EHBP1: variants seen among roughly 807,000 people sequenced by gnomAD.
EHBP1 encodes EH domain binding protein 1.
Under a neutral mutation model 144.0 loss-of-function variants are expected in EHBP1, and 55 were observed. The observed-to-expected ratio is 0.38, with a 90% CI of 0.31 to 0.48. The LOEUF is 0.48. Ranked by LOEUF, EHBP1 falls within the 20% of genes least tolerant of loss-of-function variation. The pLI, the probability that EHBP1 is intolerant of heterozygous loss-of-function variation, is 0.98. For synonymous variants in EHBP1, 469 were observed against 472.7 expected (o/e 0.99, Z 0.10); for missense variants, 1,200 against 1,364.2 (o/e 0.88, Z 1.90).
Position 62,949,111 on chromosome 2 carries a change from T to A in EHBP1, c.2265T>A (p.Asp755Glu). 6.3e-7 allele frequency: 1 copy of A among 1,588,910 alleles called. No homozygotes were observed. Among genetic ancestry groups the A allele is most frequent in the East Asian group, 2.2e-5 (1 of 44,788 alleles). Residue 755 changes from aspartate (D) to glutamate (E), a missense_variant, in exon 13 of 23, where the codon GAT (aspartate) becomes GAA (glutamate). Asp to Glu is a conservative substitution (Grantham distance 45). This residue lies in a region of EHBP1 where 543 missense variants were observed against 513.1 expected (regional missense o/e 1.06). Coordinates refer to ENST00000431489, the MANE Select transcript of EHBP1 (RefSeq NM_001142616.3). The stretch of plus-strand genomic sequence containing the variant: ...TGAGGCAGACGGAGTCTGATCCAGA[T>A]GCTGATAGAACCACTTTAAATCATG... ...ASLRQTESDP[D>E]ADRTTLNHAD...
chr2:62,863,715 A>G (rs1476365967), intron 8 of EHBP1, among the ~76,000 whole-genome samples: 1 of 152,088 alleles, frequency 6.6e-6, no homozygotes, highest in Non-Finnish European at 1.5e-5. Context: ...GACACAGGAC[A>G]GAATGAATTA....
upstream of EHBP1, among the ~76,000 whole-genome samples, chr2:62,705,390 C>T (rs2034449024): frequency 6.6e-6 from 1 of 152,116 alleles, no homozygotes; most frequent in Non-Finnish European, 1.5e-5. Flanking sequence ...TCTGCAATCA[C>T]CTTGCAGTTC....
chr2:62,925,708 GA>G (rs1350735086), intron 10 of EHBP1, among the ~76,000 whole-genome samples: 1 of 152,028 alleles, frequency 6.6e-6, no homozygotes, highest in Non-Finnish European at 1.5e-5. Context: ...CCAAGGAGGT[GA>G]AAGACTCTAC....
chr2:62,777,336 A>G (rs1441836266), intron 5 of EHBP1, among the ~76,000 whole-genome samples: 2 of 152,218 alleles, frequency 1.3e-5, no homozygotes, highest in Non-Finnish European at 2.9e-5. Flanking sequence ...TTAATACATT[A>G]AAAGCATATT....
chr2:62,786,042 A>C (rs1340515903), intron 5 of EHBP1, among the ~76,000 whole-genome samples: 1 of 152,206 alleles, frequency 6.6e-6, no homozygotes, highest in Non-Finnish European at 1.5e-5. Context: ...CATTGTTATA[A>C]GCAGTGCAGC....
chr2:62,948,220 G>T, intron 12 of EHBP1, 40 bp from the exon 13 acceptor site: 1 of 1,482,866 alleles, frequency 6.7e-7, no homozygotes, highest in South Asian at 1.4e-5. Flanking sequence ...TGAATTATAT[G>T]AACTGTTCAA....
At chr2:62,678,750 T>C (rs2033404099) in intron 1 of EHBP1, among the ~76,000 whole-genome samples, 1 of 152,136 alleles carries the variant, frequency 6.6e-6, no homozygotes, top group African/African-American at 2.4e-5. Context: ...GAAATAAATA[T>C]CCCTGTACCC....
chr2:63,045,027 GGC>G lies in EHBP1; in HGVS notation c.3278-38_3278-37del. The G allele has an allele frequency of 1.4e-6, 2 of 1,472,950 alleles. No individual in the cohort carries two copies. Among genetic ancestry groups the G allele is most frequent in the Non-Finnish European group, 1.9e-6 (2 of 1,078,208 alleles). The allele number at this position is 1,472,950 out of a possible 1,614,324, so 91.2% of individuals were successfully genotyped here. ...GAGGGCGGGGGGCCGGGTGTTCGGA[GGC>G]CCTGCCGGTGGGTAACTAGCCTCCC... On this transcript the variant is annotated intron_variant, in intron 21 of 22. Coordinates refer to ENST00000431489, the MANE Select transcript of EHBP1 (RefSeq NM_001142616.3). This position sits in a 1 kb window ranked among gnomAD's most constrained non-coding sequence, Gnocchi z 5.7.
chr2:63,039,638 T>C (rs1234560277), intron 21 of EHBP1, among the ~76,000 whole-genome samples: 1 of 152,166 alleles, frequency 6.6e-6, no homozygotes, highest in Non-Finnish European at 1.5e-5. Flanking sequence ...CCTGATAAGG[T>C]ACCTGATCCA....
chr2:62,864,838 G>C lies in EHBP1; in HGVS notation c.865G>C (p.Asp289His). Residue 289 changes from aspartate to histidine, a missense_variant, in exon 9 of 23, where the codon GAT becomes CAT. Physicochemically the swap from Asp to His is moderately conservative, Grantham distance 81. Coordinates refer to ENST00000431489, the MANE Select transcript of EHBP1 (RefSeq NM_001142616.3). ...VQTPQYLNPF[D>H]EPEAFVTIKD... ...GACTCCACAGTATTTGAACCCATTC[G>C]ATGAGCCAGAAGCATTTGTGACCAT... is the stretch of plus-strand genomic sequence containing the variant. 6.2e-7 allele frequency: 1 copy of C among 1,613,940 alleles called. No individual in the cohort carries two copies. The highest frequency in any genetic ancestry group is 8.5e-7 in the Non-Finnish European group (1 of 1,179,962).
At chr2:62,676,881 C>CT in intron 1 of EHBP1, among the ~76,000 whole-genome samples, 1 of 152,190 alleles carries the variant, frequency 6.6e-6, no homozygotes, top group Middle Eastern at 3.4e-3. Flanking sequence ...ATACAGAAGC[C>CT]TTTGAAGGAT....
chr2:62,773,723 C>T (rs1268309355), intron 5 of EHBP1, among the ~76,000 whole-genome samples: 3 of 151,072 alleles, frequency 2.0e-5, no homozygotes, highest in South Asian at 2.1e-4. Context: ...TGGTGGCGTG[C>T]GCCTGTAATC....
intron 19 of EHBP1, among the ~76,000 whole-genome samples, chr2:63,007,517 G>A (rs116817229): frequency 2.3e-3 from 352 of 151,758 alleles, no homozygotes; most frequent in Non-Finnish European, 4.0e-3. Flanking sequence ...CAAAGACATG[G>A]TATGAATTTG....
In EHBP1 at chr2:62,831,112, T is replaced by A; in HGVS notation, c.588T>A (p.Asp196Glu). Residue 196 changes from aspartate to glutamate, a missense_variant, in exon 7 of 23, where the codon GAT (aspartate) becomes GAA (glutamate). Physicochemically the swap from Asp to Glu is conservative, Grantham distance 45. Transcript: ENST00000431489. ...LDDFEEDNED[D>E]DENRVNQEEK... is the part of the protein sequence containing the mutation. Reference sequence around the variant, plus strand: ...ACTTCGAAGAAGATAATGAAGATGATGATGAGAACAGAGTGAACCAAGAAG... The same window carrying A: ...ACTTCGAAGAAGATAATGAAGATGAAGATGAGAACAGAGTGAACCAAGAAG... 1 of 1,609,902 alleles carries A rather than the reference T, an allele frequency of 6.2e-7. No individual in the cohort carries two copies. The highest frequency in any genetic ancestry group is 8.5e-7 in the Non-Finnish European group (1 of 1,178,788).
At chr2:62,971,894 A>G (rs1350579526) in intron 14 of EHBP1, among the ~76,000 whole-genome samples, 1 of 152,196 alleles carries the variant, frequency 6.6e-6, no homozygotes, top group African/African-American at 2.4e-5. Context: ...TATCCTTTAT[A>G]ACTCAGTCTA....
chr2:62,690,613 G>C (rs920409514), intron 1 of EHBP1, among the ~76,000 whole-genome samples: 6 of 152,000 alleles, frequency 3.9e-5, no homozygotes, highest in Non-Finnish European at 8.8e-5. Context: ...GATTGAGTAA[G>C]ACTGTGAACA....
chr2:62,993,704 G>T, intron 17 of EHBP1, 36 bp downstream of exon 17: 1 of 1,366,544 alleles, frequency 7.3e-7, no homozygotes, highest in Non-Finnish European at 9.9e-7. Context: ...CCATGTTATG[G>T]TTTAACTATA....
chr2:62,745,838 A>G (rs367666553), intron 2 of EHBP1, among the ~76,000 whole-genome samples: 1 of 152,212 alleles, frequency 6.6e-6, no homozygotes, highest in South Asian at 2.1e-4. Context: ...AAAGAGTTTA[A>G]GTTTAAAATA....
chr2:62,933,421 A>T (rs1210151973), intron 10 of EHBP1, among the ~76,000 whole-genome samples: 1 of 152,188 alleles, frequency 6.6e-6, no homozygotes, highest in Non-Finnish European at 1.5e-5. Flanking sequence ...TTGATACTAC[A>T]CCAAAACTCA....
Sources: gnomAD v4.1 joint callset for allele counts (sites outside exome capture counted in the v4.1 genomes callset) on GRCh38, gnomAD v4.1.1 for gene constraint, gnomAD v4.1.1 regional missense constraint, Gnocchi (gnomAD v3.1) non-coding constraint, MANE v1.5 for transcripts, NCBI Gene and HGNC (gene_info 2026-07-23, HGNC 2026-07-21) for gene names.